Variants in EPM2A observed in about 807,000 individuals in gnomAD.
The protein encoded by EPM2A is laforin.
A neutral mutation model predicts 26.5 loss-of-function variants in EPM2A; 21 were observed. That is an observed-to-expected ratio of 0.79 (90% CI 0.56 to 1.14). EPM2A has a LOEUF of 1.14. Ranked by LOEUF, EPM2A falls within the 50% of genes most tolerant of loss-of-function variation. The probability of loss-of-function intolerance (pLI) is 0.00; values close to 1 mark genes in which losing one functional copy is unlikely to be tolerated. For missense variants in EPM2A, 458 were observed against 440.8 expected, an observed-to-expected ratio of 1.04 and a Z score of -0.35; for synonymous variants, 217 against 177.6, an observed-to-expected ratio of 1.22 and a Z score of -1.76.
Position 145,635,303 on chromosome 6 carries a change from T to G in EPM2A, c.660A>C (p.Leu220=), listed in dbSNP as rs1006950710. Residue 220 remains leucine (L), a synonymous_variant, in exon 3 of 4, where the codon CTA becomes CTC. Transcript: ENST00000367519. ...EPMTPDTMIK[L]YREEGLAYIW... is the part of the protein sequence containing the mutation. ...TGTAGGCCAAGCCTTCTTCCCTATA[T>G]AGTTTAATCATAGTGTCTGGAGTCA... 1 of 1,614,124 alleles carries G rather than the reference T, an allele frequency of 6.2e-7. No individual in the cohort carries two copies. The highest frequency in any genetic ancestry group is 1.1e-5 in the South Asian group (1 of 91,080).
intron 4 of EPM2A, among the ~76,000 whole-genome samples, chr6:145,386,169 A>T (rs1209209393): frequency 3.3e-5 from 5 of 152,172 alleles, no homozygotes; most frequent in African/African-American, 4.8e-5. Context: ...ACTTAGCATA[A>T]AATCCAAGGT....
At chr6:145,434,391 C>G (rs568657256) in intron 4 of EPM2A, among the ~76,000 whole-genome samples, 3 of 152,032 alleles carry the variant, frequency 2.0e-5, no homozygotes, top group African/African-American at 7.2e-5. Context: ...AGCCTCTACT[C>G]TGTCTAATCT....
At chr6:145,640,268 A>G (rs528891924) in intron 2 of EPM2A, 1 of 152,342 alleles carries the variant, frequency 6.6e-6, no homozygotes, top group Non-Finnish European at 1.5e-5. Context: ...GACAAAAGGT[A>G]TTGGGAGACA....
At chr6:145,603,557 A>G (rs912428292) in intron 2 of EPM2A, among the ~76,000 whole-genome samples, 4 of 152,372 alleles carry the variant, frequency 2.6e-5, no homozygotes, top group East Asian at 3.9e-4. Flanking sequence ...GGCATGTAGC[A>G]GGTGTTCAAT....
intron 4 of EPM2A, among the ~76,000 whole-genome samples, chr6:145,433,935 G>A (rs1778953289): frequency 6.6e-6 from 1 of 152,184 alleles, no homozygotes; most frequent in South Asian, 2.1e-4. Context: ...TGGAAGGGCA[G>A]AAATTTGTTA....
intron 2 of EPM2A, among the ~76,000 whole-genome samples, chr6:145,547,398 C>T (rs1780597235): frequency 6.6e-6 from 1 of 152,074 alleles, no homozygotes; most frequent in South Asian, 2.1e-4. Context: ...GTTCAGTGGC[C>T]ACATTTATGT....
At chr6:145,529,292 C>T (rs1330173017) in intron 2 of EPM2A, among the ~76,000 whole-genome samples, 1 of 152,112 alleles carries the variant, frequency 6.6e-6, no homozygotes, top group Non-Finnish European at 1.5e-5. Context: ...GGGTAAAATG[C>T]TGTCAACCAA....
downstream of EPM2A, among the ~76,000 whole-genome samples, chr6:145,496,728 A>ATGTTTTTTTTTTTT (rs779194973): frequency 0.043 from 4,615 of 106,578 alleles, 1,014 homozygotes; most frequent in South Asian, 0.063. Context: ...AGTTCCTGCA[A>ATGTTTTTTTTTTTT]TTTTTTTTTT....
chr6:145,662,848 A>T (rs1384060215), intron 2 of EPM2A, among the ~76,000 whole-genome samples: 4 of 152,174 alleles, frequency 2.6e-5, no homozygotes, highest in African/African-American at 9.7e-5. Flanking sequence ...AAGTGCTTAT[A>T]TAGGCCCTTT....
chr6:145,709,485 G>A (rs113674436), intron 1 of EPM2A, among the ~76,000 whole-genome samples: 259 of 152,168 alleles, frequency 1.7e-3, no homozygotes, highest in African/African-American at 5.3e-3. Flanking sequence ...TCTCTGGCCC[G>A]CCGCCATGTA....
At chr6:145,579,784 T>C (rs1316326973) in intron 2 of EPM2A, among the ~76,000 whole-genome samples, 1 of 152,164 alleles carries the variant, frequency 6.6e-6, no homozygotes, top group Admixed American at 6.5e-5. Context: ...TCTTCTTTTC[T>C]GTCTTTTGGA....
intron 2 of EPM2A, among the ~76,000 whole-genome samples, chr6:145,652,005 C>T (rs1350482595): frequency 6.6e-6 from 1 of 152,120 alleles, no homozygotes; most frequent in Non-Finnish European, 1.5e-5. Context: ...CATCACATTA[C>T]TGAAACACTA....
intron 2 of EPM2A, among the ~76,000 whole-genome samples, chr6:145,540,348 C>T (rs1181900302): frequency 1.3e-5 from 2 of 152,176 alleles, no homozygotes; most frequent in African/African-American, 4.8e-5. Flanking sequence ...CAGATCTCAG[C>T]TTGGGTTGAG....
rs77379908 is a variant in EPM2A at position 145,540,138 on chromosome 6, C to T, written c.341-37563G>A. On this transcript the variant is annotated intron_variant, in intron 2 of 3. Transcript: ENST00000450221. ...GCTTCTCCTGTGGCCCCCATGGCAC[C>T]ATGCCCCCTCCTCTTGAGAACAGTG... Among the ~76,000 whole-genome samples the T allele has an allele frequency of 3.0e-3, 459 of 152,318 alleles. 3 individuals are homozygous for T. Among genetic ancestry groups the T allele is most frequent in the African/African-American group, 0.011 (439 of 41,574 alleles).
At chr6:145,410,163 T>G (rs1340513858) in intron 4 of EPM2A, among the ~76,000 whole-genome samples, 1 of 152,180 alleles carries the variant, frequency 6.6e-6, no homozygotes, top group Non-Finnish European at 1.5e-5. Context: ...GAGACGGTGT[T>G]GCAAGAGCTA....
intron 4 of EPM2A, among the ~76,000 whole-genome samples, chr6:145,446,552 TCCAGCTGATGG>T (rs563268074): frequency 6.6e-6 from 1 of 152,174 alleles, no homozygotes; most frequent in Non-Finnish European, 1.5e-5. Context: ...ATTTCCTTGA[TCCAGCTGATGG>T]CCATCAATTT....
At chr6:145,587,320 A>C (rs148692056) in intron 2 of EPM2A, among the ~76,000 whole-genome samples, 53 of 152,324 alleles carry the variant, frequency 3.5e-4, no homozygotes, top group African/African-American at 1.2e-3. Flanking sequence ...CATTTTATTC[A>C]ATAAAGAACT....
chr6:145,496,038 C>A (rs1162231993), intron 4 of EPM2A, among the ~76,000 whole-genome samples: 1 of 152,128 alleles, frequency 6.6e-6, no homozygotes, highest in Non-Finnish European at 1.5e-5. Flanking sequence ...TCTAAAGGAT[C>A]TTATTTCTTC....
At chr6:145,709,768 C>A (rs543374466) in intron 1 of EPM2A, among the ~76,000 whole-genome samples, 7 of 152,126 alleles carry the variant, frequency 4.6e-5, no homozygotes, top group Non-Finnish European at 1.0e-4. Flanking sequence ...TGTAGAAGTT[C>A]TTTAGATCAT....
Sources: allele counts gnomAD v4.1 joint callset (sites outside exome capture counted in the v4.1 genomes callset), GRCh38; gene constraint gnomAD v4.1.1; transcripts MANE v1.5; gene names NCBI Gene and HGNC (gene_info 2026-07-23, HGNC 2026-07-21).